DKKL1: variants seen among roughly 807,000 people sequenced by gnomAD.
The protein encoded by DKKL1 is dickkopf like acrosomal protein 1, also known as dickkopf-like protein 1.
DKKL1 carries 11 observed loss-of-function variants against 16.5 expected under a neutral mutation model. The ratio of observed to expected loss-of-function variants is 0.67; its 90% CI spans 0.42 to 1.10. The LOEUF is 1.10. DKKL1 is among the 50% of genes least tolerant of loss of function. The pLI, the probability that DKKL1 is intolerant of heterozygous loss-of-function variation, is 0.00. For missense variants in DKKL1, 320 were observed against 308.1 expected (o/e 1.04, Z -0.29); for synonymous variants, 119 against 133.2 (o/e 0.89, Z 0.73).
intron 4 of DKKL1, among the ~76,000 whole-genome samples, chr19:49,373,930 A>G (rs980085789): frequency 6.6e-6 from 1 of 151,494 alleles, no homozygotes; most frequent in African/African-American, 2.4e-5. Flanking sequence ...CCAAACAGAC[A>G]CTCAGTCCAT....
Position 49,368,050 on chromosome 19 carries a change from C to T in DKKL1, c.417+2165C>T, listed in dbSNP as rs148161641. The stretch of plus-strand genomic sequence containing the variant: ...AAAGTAGGCCAGGCATGCTGGCTTA[C>T]GCCTGTAATCCTAGCAATTTGGGAG... On this transcript the variant is annotated intron_variant, in intron 4 of 4. Coordinates refer to ENST00000221498, the MANE Select transcript of DKKL1 (RefSeq NM_014419.4). Among the ~76,000 whole-genome samples, 115 of 152,190 alleles carry T rather than the reference C, an allele frequency of 7.6e-4. 1 individual carries two copies. The highest frequency in any genetic ancestry group is 2.6e-3 in the African/African-American group (108 of 41,524).
upstream of DKKL1, chr19:49,363,201 G>C (rs191751157): frequency 6.6e-6 from 1 of 152,514 alleles, no homozygotes; most frequent in East Asian, 1.9e-4. Context: ...GAAAGGCTGC[G>C]TGTTCAAAAT....
Position 49,364,702 on chromosome 19 carries a change from G to T in DKKL1, c.131G>T (p.Gly44Val). The part of the protein sequence containing the change: ...HDADAQESSL[G>V]LTGLQSLLQG... The stretch of plus-strand genomic sequence containing the variant: ...GCTGACGCCCAAGAGAGCTCCTTGG[G>T]TCTCACAGGCCTCCAGAGCCTACTC... Residue 44 changes from glycine (G) to valine (V), a missense_variant, in exon 2 of 5, where the codon GGT becomes GTT. By Grantham distance (109) the Gly-to-Val change is moderately radical. Coordinates refer to ENST00000221498, the MANE Select transcript of DKKL1 (RefSeq NM_014419.4). 6.2e-7 allele frequency: 1 copy of T among 1,614,152 alleles called. No individual in the cohort carries two copies. The highest frequency in any genetic ancestry group is 1.1e-5 in the South Asian group (1 of 91,080).
chr19:49,374,520 T>C (rs1288594753), intron 4 of DKKL1, among the ~76,000 whole-genome samples, 197 bp from the exon 5 acceptor site: 1 of 152,180 alleles, frequency 6.6e-6, no homozygotes, highest in Non-Finnish European at 1.5e-5. Flanking sequence ...AATTTTCCAA[T>C]CCCAAAGCAT....
Position 49,375,085 on chromosome 19 carries a change from C to A in DKKL1, c.*57C>A. On this transcript the variant is annotated 3_prime_UTR_variant, in exon 5 of 5. Coordinates refer to ENST00000221498, the MANE Select transcript of DKKL1 (RefSeq NM_014419.4). ...CCCCATCAGACCCTGCCCCAAGCAC[C>A]ATATGGAAATAAAGTTCTTTCTTAC... The A allele has an allele frequency of 6.7e-7, 1 of 1,499,900 alleles. No individual in the cohort carries two copies. The highest frequency in any genetic ancestry group is 8.9e-7 in the Non-Finnish European group (1 of 1,123,004). The allele number at this position is 1,499,900 out of a possible 1,614,324, so 92.9% of individuals were successfully genotyped here.
intron 4 of DKKL1, chr19:49,369,976 T>G (rs1413276181): frequency 1.3e-5 from 2 of 152,258 alleles, no homozygotes; most frequent in Admixed American, 6.5e-5. Flanking sequence ...CATCCTCATG[T>G]GCACCCTGGC....
intron 4 of DKKL1, 46 bp downstream of exon 4, chr19:49,365,931 C>A (rs1207145145): frequency 7.1e-6 from 11 of 1,556,178 alleles, no homozygotes; most frequent in Non-Finnish European, 8.7e-6. Context: ...CAAACATTTT[C>A]TTTTTTTCTT....
At chr19:49,371,029 G>A (rs1034887057) in intron 4 of DKKL1, 3 of 152,188 alleles carry the variant, frequency 2.0e-5, no homozygotes, top group African/African-American at 7.2e-5. Context: ...TTCCTGTAGT[G>A]GAGACACTCA....
chr19:49,367,831 G>A (rs920461841), intron 4 of DKKL1, among the ~76,000 whole-genome samples: 5 of 152,090 alleles, frequency 3.3e-5, no homozygotes, highest in South Asian at 2.1e-4. Flanking sequence ...TGATACCCAC[G>A]TACACCCATG....
chr19:49,360,977 CCAGAG>C, upstream of DKKL1, among the ~76,000 whole-genome samples: 1 of 93,668 alleles, frequency 1.1e-5, no homozygotes, highest in Non-Finnish European at 1.9e-5. Flanking sequence ...GGACAGAGAC[CCAGAG>C]AGAGAGGGGG....
intron 4 of DKKL1, 109 bp downstream of exon 4, chr19:49,365,994 C>CTTGG (rs1973238228): frequency 1.0e-6 from 1 of 974,286 alleles, no homozygotes. Context: ...GTGGCACGAT[C>CTTGG]TTGGCTCACT....
intron 4 of DKKL1, 71 bp from the exon 5 acceptor site, chr19:49,374,646 G>A: frequency 1.4e-6 from 2 of 1,439,396 alleles, no homozygotes; most frequent in Non-Finnish European, 1.9e-6. Context: ...GGGCTGAATA[G>A]GTCAGTGGGG....
chr19:49,364,607 G>A lies in DKKL1; in HGVS notation c.36G>A (p.Arg12=), dbSNP rs1973178225. The change falls in exon 2 of 5, where the codon CGG becomes CGA. Residue 12 remains arginine (R), a synonymous_variant. Coordinates refer to ENST00000221498, the MANE Select transcript of DKKL1 (RefSeq NM_014419.4). ...CCTCCCCACCTGCCCCCGCAAGGCGGCATCTGCTGGTCCTGCTGCTGCTCC... is the reference window on the plus strand; with the variant it reads ...CCTCCCCACCTGCCCCCGCAAGGCGACATCTGCTGGTCCTGCTGCTGCTCC... The part of the protein sequence containing the change: ...GEASPPAPAR[R]HLLVLLLLLS... The A allele has an allele frequency of 6.2e-7, 1 of 1,612,516 alleles. No individual in the cohort carries two copies. Among genetic ancestry groups the A allele is most frequent in the African/African-American group, 1.3e-5 (1 of 74,874 alleles).
rs1488247138 is a variant in DKKL1 at position 49,367,565 on chromosome 19, CCTGA to C, written c.417+1683_417+1686del. Reference sequence around the variant, plus strand: ...GGGATTACAGGTGACTGCCACCACACCTGACTAATTTTTCTATTTTTAGAGAGAC... The same window carrying C: ...GGGATTACAGGTGACTGCCACCACACCTAATTTTTCTATTTTTAGAGAGAC... On this transcript the variant is annotated intron_variant, in intron 4 of 4. Transcript: ENST00000221498. 3.9e-5 allele frequency among the ~76,000 whole-genome samples: 6 copies of C among 152,080 alleles called. No individual in the cohort carries two copies. The East Asian group carries it at 7.8e-4, about 20-fold the overall frequency.
At chr19:49,361,340 G>A (rs895618159), upstream of DKKL1, 1 of 153,222 alleles carries the variant, frequency 6.5e-6, no homozygotes, top group Non-Finnish European at 1.4e-5. Flanking sequence ...TCAGAGAGAG[G>A]GGGACAGAGG....
At chr19:49,365,917 G>A (rs746505500) in intron 4 of DKKL1, 32 bp downstream of exon 4, 1 of 1,586,444 alleles carries the variant, frequency 6.3e-7, no homozygotes, top group Non-Finnish European at 8.6e-7. Context: ...AAAGTGTCCA[G>A]GCCCAAACAT....
At chr19:49,361,209 C>CAGAGACCCAGAGAGAGAGGGGAAT (rs1568585793), upstream of DKKL1, among the ~76,000 whole-genome samples, 7 of 125,540 alleles carry the variant, frequency 5.6e-5, no homozygotes, top group Non-Finnish European at 3.2e-5. Flanking sequence ...GAGAGGGAGA[C>CAGAGACCCAGAGAGAGAGGGGAAT]AGAGACCCAG....
intron 1 of DKKL1, among the ~76,000 whole-genome samples, chr19:49,364,221 G>A (rs909754311): frequency 8.6e-5 from 13 of 152,030 alleles, no homozygotes; most frequent in African/African-American, 2.9e-4. Flanking sequence ...GTGGAGGCGC[G>A]CGCCTGTGGT....
At position 49,373,410 on chromosome 19, in the gene DKKL1, T is replaced by A. The variant is rs533191470; in HGVS notation, c.418-1307T>A. ...ACCCTAGTTCCAAATAAGGCCACAT[T>A]CTGAGGTATTACAGGTTAGAATTTC... On this transcript the variant is annotated intron_variant, in intron 4 of 4. Coordinates refer to ENST00000221498, the MANE Select transcript of DKKL1 (RefSeq NM_014419.4). 1.1e-4 allele frequency among the ~76,000 whole-genome samples: 16 copies of A among 152,296 alleles called. No homozygotes were observed. In the South Asian group the frequency reaches 3.3e-3, roughly 32 times the overall value.
Sources: gnomAD v4.1 joint callset for allele counts (sites outside exome capture counted in the v4.1 genomes callset) on GRCh38, gnomAD v4.1.1 for gene constraint, MANE v1.5 for transcripts, NCBI Gene and HGNC (gene_info 2026-07-23, HGNC 2026-07-21) for gene names.